The following TMEM181 variants were observed in gnomAD, a reference collection of about 807,000 sequenced individuals.
TMEM181 encodes G protein-coupled receptor 178.
A neutral mutation model predicts 71.9 loss-of-function variants in TMEM181; 39 were observed. The observed-to-expected ratio is 0.54, with a 90% confidence interval of 0.42 to 0.71. TMEM181 has a LOEUF of 0.71. TMEM181 is among the 30% of genes least tolerant of loss of function. The probability of loss-of-function intolerance (pLI) is 0.00; values close to 1 mark genes in which losing one functional copy is unlikely to be tolerated. For synonymous variants in TMEM181, 245 were observed against 228.8 expected (o/e 1.07, Z -0.64); for missense variants, 595 against 583.0 (o/e 1.02, Z -0.21).
At chr6:158,579,553 C>G (rs1053421037) in intron 2 of TMEM181, among the ~76,000 whole-genome samples, 9 of 151,702 alleles carry the variant, frequency 5.9e-5, no homozygotes, top group African/African-American at 2.2e-4. Context: ...AACCCCATCT[C>G]TACTAAAATG....
chr6:158,554,549 A>G (rs960155420), intron 1 of TMEM181, among the ~76,000 whole-genome samples: 8 of 152,196 alleles, frequency 5.3e-5, no homozygotes, highest in African/African-American at 1.4e-4. Context: ...ATTGATGAGG[A>G]AAAAAATTGG....
At chr6:158,628,512 C>G (rs1229280173) in intron 14 of TMEM181, 22 bp downstream of exon 14, 21 of 1,609,912 alleles carry the variant, frequency 1.3e-5, no homozygotes, top group Non-Finnish European at 1.6e-5. Context: ...ACTGGAGGGC[C>G]CTGGCTGCAG....
chr6:158,622,602 T>C (rs1786029698), intron 10 of TMEM181, among the ~76,000 whole-genome samples: 1 of 152,230 alleles, frequency 6.6e-6, no homozygotes, highest in Non-Finnish European at 1.5e-5. Context: ...GAATGCTTTT[T>C]TCTGGAATGT....
At chr6:158,549,607 C>G (rs1029817122) in intron 1 of TMEM181, among the ~76,000 whole-genome samples, 1 of 152,148 alleles carries the variant, frequency 6.6e-6, no homozygotes, top group Non-Finnish European at 1.5e-5. Flanking sequence ...GGGAGCAAAG[C>G]ATTGCAGTGG....
intron 12 of TMEM181, 133 bp from the exon 13 acceptor site, chr6:158,625,570 G>A (rs1786227761): frequency 1.3e-6 from 1 of 793,210 alleles, no homozygotes; most frequent in African/African-American, 1.7e-5. Flanking sequence ...TAGGCTGCTG[G>A]CGACTCCGGC....
At position 158,560,221 on chromosome 6, in the gene TMEM181, C is replaced by G. The variant is rs1458076978; in HGVS notation, c.-4C>G. On this transcript the variant is annotated 5_prime_UTR_variant, in exon 1 of 17. Coordinates refer to ENST00000684151, the MANE Select transcript of TMEM181 (RefSeq NM_001376852.1). The stretch of plus-strand genomic sequence containing the variant: ...GGCCGGGGCCGAGGGCTCTGGGCGC[C>G]GAGATGGAGCCGTGAGTCCCCGGCC... 3 of 984,812 alleles carry G rather than the reference C, an allele frequency of 3.0e-6. No individual in the cohort carries two copies. The highest frequency in any genetic ancestry group is 3.5e-5 in the African/African-American group (2 of 57,146). The allele number at this position is 984,812 out of a possible 1,614,324, so 61.0% of individuals were successfully genotyped here. A position where few individuals can be genotyped will look rare whatever the true frequency, so the allele number is the denominator to read the frequency against.
intron 11 of TMEM181, among the ~76,000 whole-genome samples, chr6:158,624,427 G>A (rs1351337526): frequency 6.6e-6 from 1 of 152,254 alleles, no homozygotes; most frequent in Non-Finnish European, 1.5e-5. Flanking sequence ...GACAGGAAAG[G>A]GGTGGGGGGA....
At chr6:158,560,078 G>C (rs951444512), upstream of TMEM181, 1 of 985,166 alleles carries the variant, frequency 1.0e-6, no homozygotes, top group Non-Finnish European at 1.2e-6. Flanking sequence ...TGATCTCGGC[G>C]TCGCGCTCTG....
In TMEM181 at chr6:158,620,971, C is replaced by T. The variant is rs1015292750; in HGVS notation, c.897-2579C>T. On this transcript the variant is annotated intron_variant, in intron 10 of 16. Coordinates refer to ENST00000684151, the MANE Select transcript of TMEM181 (RefSeq NM_001376852.1). The surrounding 1 kb of genome is among the most constrained non-coding windows in gnomAD (Gnocchi z 4.5). ...TACGGGCTAAGAGTATTTAAGCGTT[C>T]AGGGTGGGAGAGCTTATCACAGGCT... is the stretch of plus-strand genomic sequence containing the variant. 1.3e-5 allele frequency among the ~76,000 whole-genome samples: 2 copies of T among 152,188 alleles called. No homozygotes were observed. Among genetic ancestry groups the T allele is most frequent in the South Asian group, 2.1e-4 (1 of 4,828 alleles).
intron 10 of TMEM181, among the ~76,000 whole-genome samples, chr6:158,622,115 A>G (rs940866022): frequency 6.6e-6 from 1 of 152,154 alleles, no homozygotes; most frequent in Non-Finnish European, 1.5e-5. Flanking sequence ...ACCTCTGCCC[A>G]AGATGACACC....
Position 158,539,528 on chromosome 6 carries a change from G to T in TMEM181, c.131+2663G>T, listed in dbSNP as rs60603658. ...AAACGCACCAGCTCTTTCCCCTGGA[G>T]GACCGGGGACTCACCTCACGTGGTT... On this transcript the variant is annotated intron_variant, in intron 1 of 16. Coordinates refer to the TMEM181 transcript ENST00000367090. Among the ~76,000 whole-genome samples the T allele has an allele frequency of 2.0e-5, 3 of 152,358 alleles. No homozygotes were observed. In the East Asian group the frequency reaches 5.8e-4, roughly 29 times the overall value.
At chr6:158,610,490 G>A in intron 10 of TMEM181, 1 of 342,530 alleles carries the variant, frequency 2.9e-6, no homozygotes, top group Non-Finnish European at 5.3e-6. Context: ...ATGACAGTGG[G>A]TATCAGTGAA....
At chr6:158,542,707 C>A (rs541174419) in intron 1 of TMEM181, among the ~76,000 whole-genome samples, 1 of 152,060 alleles carries the variant, frequency 6.6e-6, no homozygotes, top group South Asian at 2.1e-4. Context: ...TGGGTTCAAG[C>A]AATTCTTGTG....
At chr6:158,546,697 A>G (rs1291696937) in intron 1 of TMEM181, among the ~76,000 whole-genome samples, 2 of 152,234 alleles carry the variant, frequency 1.3e-5, no homozygotes, top group African/African-American at 4.8e-5. Context: ...GATGGCGCAC[A>G]CCTGTAATCC....
At chr6:158,556,172 C>A (rs1387079142), upstream of TMEM181, among the ~76,000 whole-genome samples, 5 of 152,100 alleles carry the variant, frequency 3.3e-5, no homozygotes, top group Non-Finnish European at 7.4e-5. Context: ...AGCCTTATAA[C>A]CAAAACGAAT....
intron 1 of TMEM181, among the ~76,000 whole-genome samples, chr6:158,569,347 C>A (rs897967474): frequency 1.3e-5 from 2 of 152,230 alleles, no homozygotes; most frequent in African/African-American, 4.8e-5. Flanking sequence ...CTGGCGCCCA[C>A]CCTCTCACCC....
intron 2 of TMEM181, among the ~76,000 whole-genome samples, chr6:158,574,573 A>G (rs182859488): frequency 1.3e-3 from 193 of 152,306 alleles, no homozygotes; most frequent in African/African-American, 4.5e-3. Flanking sequence ...CCATGATTAT[A>G]TCAAACCCTC....
At chr6:158,614,489 A>AAT (rs1554228829) in intron 10 of TMEM181, among the ~76,000 whole-genome samples, 23,259 of 151,900 alleles carry the variant, frequency 0.15, 2,160 homozygotes, top group African/African-American at 0.26. Flanking sequence ...TTTAAAAAAA[A>AAT]TTTTTTTTTA....
intron 1 of TMEM181, among the ~76,000 whole-genome samples, chr6:158,570,935 A>T (rs1235430513): frequency 6.7e-6 from 1 of 149,368 alleles, no homozygotes; most frequent in African/African-American, 2.5e-5. Context: ...TTTTTTTGAG[A>T]TGGAGTCTCG....
Sources: gnomAD v4.1 joint callset for allele counts (sites outside exome capture counted in the v4.1 genomes callset) on GRCh38, gnomAD v4.1.1 for gene constraint, Gnocchi (gnomAD v3.1) non-coding constraint, MANE v1.5 for transcripts, NCBI Gene and HGNC (gene_info 2026-07-23, HGNC 2026-07-21) for gene names.